The following HAVCR2 variants were observed in gnomAD, a reference collection of about 807,000 sequenced individuals.
HAVCR2 encodes hepatitis A virus cellular receptor 2.
HAVCR2 carries 13 observed loss-of-function variants against 24.7 expected under a neutral mutation model. The observed-to-expected ratio is 0.53, with a 90% CI of 0.34 to 0.84. The LOEUF (loss-of-function observed/expected upper bound fraction) is 0.84, where lower values mean the gene tolerates loss of function less well. Among genes scored for constraint, HAVCR2 ranks in the 40% least tolerant of loss-of-function variants. The pLI is 0.01. For missense variants in HAVCR2, 343 were observed against 371.2 expected (o/e 0.92, Z 0.62); for synonymous variants, 154 against 143.4 (o/e 1.07, Z -0.53).
chr5:157,089,045 G>T, intron 5 of HAVCR2, 68 bp from the exon 6 acceptor site: 2 of 1,396,958 alleles, frequency 1.4e-6, no homozygotes, highest in Non-Finnish European at 1.0e-6. Flanking sequence ...AAATCAAATA[G>T]GTTCACTGGA....
At position 157,106,982 on chromosome 5, in the gene HAVCR2, G is replaced by T; in HGVS notation, c.59-20C>A. The stretch of plus-strand genomic sequence containing the variant: ...AGGACCCTGCATAGAGAGAGAAGGA[G>T]AGCCAAGACTCAAGCGGTGAGTGAG... On this transcript the variant is annotated intron_variant, in intron 1 of 6. Coordinates refer to ENST00000307851, the MANE Select transcript of HAVCR2 (RefSeq NM_032782.5). 3 of 1,586,042 alleles carry T rather than the reference G, an allele frequency of 1.9e-6. No homozygotes were observed. Among genetic ancestry groups the T allele is most frequent in the Non-Finnish European group, 2.6e-6 (3 of 1,162,510 alleles).
rs1012762244 is a variant in HAVCR2 at position 157,088,979 on chromosome 5, T to G, written c.677-2A>C. ...TCTTCTCTTTGCTATGAGAATACCC[T>G]AGTAAGGGGGAAACAAAAGCCAATA... On this transcript the variant is annotated splice_acceptor_variant, in intron 5 of 6. Coordinates refer to ENST00000307851, the MANE Select transcript of HAVCR2 (RefSeq NM_032782.5). LOFTEE classifies it high-confidence loss of function. 1 of 1,604,354 alleles carries G rather than the reference T, an allele frequency of 6.2e-7. No homozygotes were observed. The highest frequency in any genetic ancestry group is 1.3e-5 in the African/African-American group (1 of 74,378).
At chr5:157,107,766 T>C (rs1757272834) in intron 1 of HAVCR2, among the ~76,000 whole-genome samples, 1 of 152,182 alleles carries the variant, frequency 6.6e-6, no homozygotes, top group Non-Finnish European at 1.5e-5. Context: ...GCGGTCACCC[T>C]GGCCAGACAC....
At position 157,087,081 on chromosome 5, in the gene HAVCR2, TC is replaced by T. The variant is rs558090141; in HGVS notation, c.*20del. ...TTCTGAAAAAGACAAAACACCAAGC[TC>T]AAAAATAAGGTGGTTGGATCTATGG... On this transcript the variant is annotated 3_prime_UTR_variant, in exon 7 of 7. Coordinates refer to ENST00000307851, the MANE Select transcript of HAVCR2 (RefSeq NM_032782.5). The T allele has an allele frequency of 1.3e-4, 212 of 1,605,964 alleles. 1 individual carries two copies. The African/African-American group carries it at 2.7e-3, about 20-fold the overall frequency.
intron 4 of HAVCR2, among the ~76,000 whole-genome samples, chr5:157,096,869 T>C (rs1264506869): frequency 6.6e-6 from 1 of 151,504 alleles, no homozygotes; most frequent in Non-Finnish European, 1.5e-5. Context: ...GATGGGAGGA[T>C]CACTTGAGAC....
At chr5:157,098,268 G>A (rs1356825151) in intron 4 of HAVCR2, among the ~76,000 whole-genome samples, 2 of 151,876 alleles carry the variant, frequency 1.3e-5, no homozygotes, top group African/African-American at 4.8e-5. Flanking sequence ...TTAGCCGGGT[G>A]TGGTGGCTCA....
chr5:157,095,182 G>A, intron 5 of HAVCR2, 124 bp downstream of exon 5: 2 of 1,010,002 alleles, frequency 2.0e-6, no homozygotes, highest in Non-Finnish European at 2.9e-6. Context: ...GATTTGGATG[G>A]ACAAAAGGGT....
At chr5:157,091,801 G>T (rs1376894398) in intron 5 of HAVCR2, among the ~76,000 whole-genome samples, 6 of 152,216 alleles carry the variant, frequency 3.9e-5, no homozygotes, top group Admixed American at 3.9e-4. Flanking sequence ...TCATCAGTTA[G>T]GAGAGGGGCA....
At chr5:157,104,046 A>C (rs1388628289) in intron 3 of HAVCR2, among the ~76,000 whole-genome samples, 1 of 4,566 alleles carries the variant, frequency 2.2e-4, no homozygotes, top group Non-Finnish European at 4.4e-4. Context: ...TTTACAGAAG[A>C]AAAAAAAAAT....
chr5:157,094,393 CT>C (rs76873228), intron 5 of HAVCR2, among the ~76,000 whole-genome samples: 4,594 of 147,222 alleles, frequency 0.031, 230 homozygotes, highest in African/African-American at 0.11. Flanking sequence ...TATTTTATTA[CT>C]TTTTTTTTTA....
intron 4 of HAVCR2, among the ~76,000 whole-genome samples, chr5:157,095,913 A>G (rs1309853919): frequency 6.6e-6 from 1 of 152,124 alleles, no homozygotes; most frequent in Non-Finnish European, 1.5e-5. Context: ...CTTTACAGCC[A>G]GACGGTCGTG....
chr5:157,107,368 T>C (rs1269674641), intron 1 of HAVCR2: 1 of 164,872 alleles, frequency 6.1e-6, no homozygotes, highest in Non-Finnish European at 1.3e-5. Flanking sequence ...AAATTAGTCA[T>C]GGTCAGCCAG....
At chr5:157,108,077 T>C (rs1231456689) in intron 1 of HAVCR2, among the ~76,000 whole-genome samples, 1 of 151,996 alleles carries the variant, frequency 6.6e-6, no homozygotes, top group African/African-American at 2.4e-5. Context: ...AAACTATATA[T>C]ATTTTATATA....
intron 5 of HAVCR2, among the ~76,000 whole-genome samples, chr5:157,094,040 TC>T (rs1351685931): frequency 6.7e-6 from 1 of 148,418 alleles, no homozygotes; most frequent in Non-Finnish European, 1.5e-5. Flanking sequence ...TCAACACACT[TC>T]TTTTTTTTTT....
chr5:157,087,041 G>T lies in HAVCR2; in HGVS notation c.*61C>A. ...ACAGAACCTCCAAAACCAGTCAGGT[G>T]ACACAGCTCATAGTTTCTGAAAAAG... On this transcript the variant is annotated 3_prime_UTR_variant, in exon 7 of 7. Coordinates refer to ENST00000307851, the MANE Select transcript of HAVCR2 (RefSeq NM_032782.5). 6.7e-7 allele frequency: 1 copy of T among 1,489,390 alleles called. No homozygotes were observed. Among genetic ancestry groups the T allele is most frequent in the Non-Finnish European group, 9.3e-7 (1 of 1,077,030 alleles). The allele number at this position is 1,489,390 out of a possible 1,614,324, so 92.3% of individuals were successfully genotyped here. A position where few individuals can be genotyped will look rare whatever the true frequency, so the allele number is the denominator to read the frequency against.
At chr5:157,093,710 G>T (rs181288094) in intron 5 of HAVCR2, among the ~76,000 whole-genome samples, 18 of 152,314 alleles carry the variant, frequency 1.2e-4, no homozygotes, top group Admixed American at 1.2e-3. Context: ...ACATTGGGAG[G>T]TCGAGGTGGA....
At chr5:157,092,675 G>A (rs7705724) in intron 5 of HAVCR2, among the ~76,000 whole-genome samples, 129,668 of 150,904 alleles carry the variant, frequency 0.86, 55,827 homozygotes, top group East Asian at 0.99. Flanking sequence ...CAAACTCCCA[G>A]CCTCAGGTTA....
rs1322190317 is a variant in HAVCR2, at chr5:157,086,928, C to T, written c.*174G>A. 3.4e-6 allele frequency: 2 copies of T among 579,724 alleles called. No homozygotes were observed. The highest frequency in any genetic ancestry group is 3.0e-6 in the Non-Finnish European group (1 of 336,400). 35.9% of individuals were successfully genotyped at this position (579,724 alleles called of 1,614,324 possible). A position where few individuals can be genotyped will look rare whatever the true frequency, so the allele number is the denominator to read the frequency against. On this transcript the variant is annotated 3_prime_UTR_variant, in exon 7 of 7. Transcript: ENST00000307851. Reference sequence around the variant, plus strand: ...GCTTAAATACAGAGGCAATGACATGCCTGTTTAAGTTCAGTGCAGGTCCCA... The same window carrying T: ...GCTTAAATACAGAGGCAATGACATGTCTGTTTAAGTTCAGTGCAGGTCCCA...
chr5:157,089,031 C>A (rs1193504193), intron 5 of HAVCR2, 54 bp from the exon 6 acceptor site: 22 of 1,498,228 alleles, frequency 1.5e-5, no homozygotes, highest in Non-Finnish European at 1.8e-6. Context: ...ATAAATGAGA[C>A]AAGAAATCAA....
Sources: allele counts gnomAD v4.1 joint callset (sites outside exome capture counted in the v4.1 genomes callset), GRCh38; gene constraint gnomAD v4.1.1; transcripts MANE v1.5; gene names NCBI Gene and HGNC (gene_info 2026-07-23, HGNC 2026-07-21).